Variants in DNAH5 observed in about 807,000 individuals in gnomAD.
DNAH5 encodes dynein axonemal heavy chain 5, also known as axonemal beta dynein heavy chain 5.
In DNAH5, 372 loss-of-function variants were observed where a neutral mutation model predicts 518.2. The observed-to-expected ratio is 0.72, with a 90% CI of 0.66 to 0.78. The LOEUF (loss-of-function observed/expected upper bound fraction) is 0.78. Among genes scored for constraint, DNAH5 ranks in the 30% least tolerant of loss-of-function variants. The probability of loss-of-function intolerance (pLI) is 0.00; values close to 1 mark genes in which losing one functional copy is unlikely to be tolerated. For synonymous variants in DNAH5, 2,039 were observed against 2,025.9 expected, an observed-to-expected ratio of 1.01 and a Z score of -0.17; for missense variants, 5,523 against 5,687.0, an observed-to-expected ratio of 0.97 and a Z score of 0.93.
intron 1 of DNAH5, among the ~76,000 whole-genome samples, chr5:14,010,754 AGAGAG>A (rs1433957542): frequency 6.6e-6 from 1 of 152,234 alleles, no homozygotes; most frequent in Non-Finnish European, 1.5e-5. Flanking sequence ...AAATATCTAC[AGAGAG>A]GAGGAAAACG....
intron 1 of DNAH5, among the ~76,000 whole-genome samples, chr5:13,973,956 G>A (rs1400181684): frequency 1.3e-5 from 2 of 151,994 alleles, no homozygotes; most frequent in Non-Finnish European, 2.9e-5. Flanking sequence ...TGTGGCCAAG[G>A]ATAATTATCT....
intron 22 of DNAH5, among the ~76,000 whole-genome samples, chr5:13,874,970 T>C (rs1322607186): frequency 6.6e-6 from 1 of 152,178 alleles, no homozygotes; most frequent in African/African-American, 2.4e-5. Flanking sequence ...GGCAGAATCA[T>C]TCAGAAAGGT....
chr5:13,769,834 C>T (rs1353296002), intron 56 of DNAH5, among the ~76,000 whole-genome samples: 1 of 152,192 alleles, frequency 6.6e-6, no homozygotes, highest in African/African-American at 2.4e-5. Context: ...GAACAGCGAA[C>T]CTGCTAGAAC....
chr5:13,946,434 A>C (rs890230767), upstream of DNAH5, among the ~76,000 whole-genome samples: 3 of 152,178 alleles, frequency 2.0e-5, no homozygotes, highest in African/African-American at 7.2e-5. Context: ...GGCTCACTGG[A>C]AGTTGTTGAA....
At chr5:13,992,112 C>T (rs1240545575) in intron 1 of DNAH5, among the ~76,000 whole-genome samples, 1 of 152,218 alleles carries the variant, frequency 6.6e-6, no homozygotes, top group Non-Finnish European at 1.5e-5. Context: ...GCCCATTTGG[C>T]TTACAGTTTC....
intron 70 of DNAH5, among the ~76,000 whole-genome samples, 199 bp downstream of exon 70, chr5:13,727,308 A>C (rs541903522): frequency 6.6e-6 from 1 of 152,328 alleles, no homozygotes; most frequent in South Asian, 2.1e-4. Context: ...AAAAGTTACT[A>C]AATCACTTAG....
chr5:13,960,268 G>A (rs1372971976), intron 1 of DNAH5, among the ~76,000 whole-genome samples: 1 of 152,188 alleles, frequency 6.6e-6, no homozygotes, highest in East Asian at 1.9e-4. Context: ...ACCGTACTGT[G>A]TTACAGTGAA....
intron 21 of DNAH5, among the ~76,000 whole-genome samples, chr5:13,878,990 T>C (rs190309176): frequency 3.9e-5 from 6 of 152,282 alleles, no homozygotes; most frequent in Non-Finnish European, 4.4e-5. Context: ...GGACATATCA[T>C]ATCTGAATCT....
chr5:13,692,026 G>C lies in DNAH5; in HGVS notation c.13833C>G (p.His4611Gln). 2 of 1,614,114 alleles carry C rather than the reference G, an allele frequency of 1.2e-6. No homozygotes were observed. The highest frequency in any genetic ancestry group is 1.7e-6 in the Non-Finnish European group (2 of 1,180,004). The change falls in exon 79 of 79, where the codon CAC becomes CAG. Residue 4611 changes from histidine to glutamine, a missense_variant. Coordinates refer to ENST00000265104, the MANE Select transcript of DNAH5 (RefSeq NM_001369.3). ...GAAGGGCAACCCCACGGAGCACCCA[G>C]TGTTCAGGGGTCTGGGCTGTCCTGA... ...VDLRTAQTPE[H>Q]WVLRGVALLC...
chr5:14,000,180 C>T (rs1217195858), intron 1 of DNAH5, among the ~76,000 whole-genome samples: 1 of 152,144 alleles, frequency 6.6e-6, no homozygotes, highest in Non-Finnish European at 1.5e-5. Context: ...ATCTGACTGG[C>T]GTCCTTCTGA....
chr5:13,866,812 G>A (rs6887030), intron 25 of DNAH5, among the ~76,000 whole-genome samples: 60,075 of 151,904 alleles, frequency 0.4, 12,224 homozygotes, highest in South Asian at 0.47. Flanking sequence ...ACTAGTTAAT[G>A]GGTACAAATT....
chr5:13,917,096 CA>C, intron 8 of DNAH5, 46 bp downstream of exon 8: 3 of 1,419,498 alleles, frequency 2.1e-6, no homozygotes, highest in Non-Finnish European at 1.0e-6. Context: ...TCAGCTAGTG[CA>C]AAAAGGGTTA....
chr5:13,970,007 A>G (rs1324736694), intron 1 of DNAH5, among the ~76,000 whole-genome samples: 1 of 152,108 alleles, frequency 6.6e-6, no homozygotes, highest in Non-Finnish European at 1.5e-5. Flanking sequence ...TAAGATTGTG[A>G]TATTTTCCTG....
At chr5:13,759,268 G>A (rs1751455415) in intron 60 of DNAH5, among the ~76,000 whole-genome samples, 2 of 152,084 alleles carry the variant, frequency 1.3e-5, no homozygotes, top group Admixed American at 1.3e-4. Context: ...CAAAATTATT[G>A]TTCATGTACT....
intron 52 of DNAH5, among the ~76,000 whole-genome samples, chr5:13,784,109 C>G (rs1341755668): frequency 6.6e-6 from 1 of 152,174 alleles, no homozygotes; most frequent in Non-Finnish European, 1.5e-5. Context: ...AACGGCAGTT[C>G]TAGTGAACTT....
At chr5:13,817,930 G>A (rs1761674259) in intron 41 of DNAH5, among the ~76,000 whole-genome samples, 1 of 152,014 alleles carries the variant, frequency 6.6e-6, no homozygotes, top group South Asian at 2.1e-4. Flanking sequence ...GTTTAGGGGT[G>A]AAAAAAGATA....
intron 51 of DNAH5, among the ~76,000 whole-genome samples, chr5:13,787,113 G>A (rs142229115): frequency 2.4e-4 from 37 of 151,804 alleles, no homozygotes; most frequent in African/African-American, 7.5e-4. Flanking sequence ...CCAGCTACTC[G>A]GGAGGCTGAG....
chr5:13,892,645 T>C (rs1410462406), intron 16 of DNAH5, among the ~76,000 whole-genome samples: 3 of 152,130 alleles, frequency 2.0e-5, no homozygotes, highest in Non-Finnish European at 2.9e-5. Flanking sequence ...TAATAAAACA[T>C]CCAAATTGTT....
Position 13,902,035 on chromosome 5 carries a change from A to T in DNAH5, c.1730+18T>A. The stretch of plus-strand genomic sequence containing the variant: ...CTATCCCAATTTTAGAAAATAGACA[A>T]TTTCTTGAAAATTTTACCTTTCAAA... On this transcript the variant is annotated intron_variant, in intron 13 of 78. Transcript: ENST00000265104. The T allele has an allele frequency of 1.3e-6, 2 of 1,522,846 alleles. No homozygotes were observed. The highest frequency in any genetic ancestry group is 2.3e-5 in the South Asian group (2 of 86,768). 94.3% of individuals were successfully genotyped at this position (1,522,846 alleles called of 1,614,324 possible).
Sources: allele counts gnomAD v4.1 joint callset (sites outside exome capture counted in the v4.1 genomes callset), GRCh38; gene constraint gnomAD v4.1.1; transcripts MANE v1.5; gene names NCBI Gene and HGNC (gene_info 2026-07-23, HGNC 2026-07-21).